The following GRID2 variants were observed in gnomAD, a reference collection of about 807,000 sequenced individuals.
GRID2 encodes the protein glutamate ionotropic receptor delta type subunit 2, also known as glutamate receptor ionotropic, delta-2.
GRID2 carries 33 observed loss-of-function variants against 114.8 expected under a neutral mutation model. The ratio of observed to expected loss-of-function variants is 0.29; its 90% CI spans 0.22 to 0.38. The LOEUF is 0.38. Ranked by LOEUF, GRID2 falls within the 10% of genes least tolerant of loss-of-function variation. The probability of loss-of-function intolerance (pLI) is 1.00; values close to 1 mark genes in which losing one functional copy is unlikely to be tolerated. For synonymous variants in GRID2, 505 were observed against 449.9 expected, an observed-to-expected ratio of 1.12 and a Z score of -1.55; for missense variants, 1,184 against 1,257.7, an observed-to-expected ratio of 0.94 and a Z score of 0.89.
intron 1 of GRID2, among the ~76,000 whole-genome samples, chr4:92,307,795 A>C (rs990191859): frequency 3.9e-5 from 6 of 152,230 alleles, no homozygotes; most frequent in African/African-American, 1.4e-4. Context: ...ATAGTATTTA[A>C]AAATGAATCA....
At chr4:92,996,017 C>T (rs1386541695) in intron 2 of GRID2, among the ~76,000 whole-genome samples, 1 of 151,736 alleles carries the variant, frequency 6.6e-6, no homozygotes, top group African/African-American at 2.4e-5. Flanking sequence ...TGGCCAGGCA[C>T]AGTGGCTCAT....
At chr4:93,204,784 A>G (rs1742510190) in intron 4 of GRID2, among the ~76,000 whole-genome samples, 1 of 152,170 alleles carries the variant, frequency 6.6e-6, no homozygotes, top group Non-Finnish European at 1.5e-5. Flanking sequence ...CTCATTTAGT[A>G]ATTTCTACAG....
chr4:93,553,728 C>A (rs1422134995), intron 13 of GRID2, among the ~76,000 whole-genome samples: 1 of 152,094 alleles, frequency 6.6e-6, no homozygotes, highest in Non-Finnish European at 1.5e-5. Context: ...CTATATAATT[C>A]ACATTAATTT....
At chr4:92,486,398 T>A (rs1435704306) in intron 1 of GRID2, among the ~76,000 whole-genome samples, 1 of 151,860 alleles carries the variant, frequency 6.6e-6, no homozygotes, top group African/African-American at 2.4e-5. Context: ...ATACTCCTTG[T>A]CATATATGTA....
chr4:93,313,271 C>T (rs986413448), intron 8 of GRID2, among the ~76,000 whole-genome samples: 7 of 152,106 alleles, frequency 4.6e-5, no homozygotes, highest in African/African-American at 1.4e-4. Flanking sequence ...AGAGAACTGC[C>T]ACTCTAGAGC....
At chr4:92,485,429 G>T (rs1350569348) in intron 1 of GRID2, among the ~76,000 whole-genome samples, 1 of 148,714 alleles carries the variant, frequency 6.7e-6, no homozygotes, top group African/African-American at 2.5e-5. Context: ...GCCAGTCCTG[G>T]TGACTCACAC....
chr4:92,844,826 T>C (rs1331106134), intron 2 of GRID2, among the ~76,000 whole-genome samples: 3 of 152,084 alleles, frequency 2.0e-5, no homozygotes, highest in Admixed American at 1.3e-4. Flanking sequence ...TTTTGTCACA[T>C]AGCGTAGTAT....
intron 1 of GRID2, among the ~76,000 whole-genome samples, chr4:92,579,821 A>C (rs147620916): frequency 0.013 from 2,018 of 151,154 alleles, 33 homozygotes; most frequent in African/African-American, 0.046. Context: ...TTAAAATACT[A>C]TTTAGAAATT....
Position 92,304,561 on chromosome 4 carries a change from C to T in GRID2, c.-96C>T. ...GAATTTAGAAAAAAAGAAAAAGCTG[C>T]GCTAAACTCCACCGTGACCTCAAAC... On this transcript the variant is annotated 5_prime_UTR_variant, in exon 1 of 16. Coordinates refer to ENST00000282020, the MANE Select transcript of GRID2 (RefSeq NM_001510.4). 2.5e-6 allele frequency: 2 copies of T among 793,450 alleles called. No individual in the cohort carries two copies. The highest frequency in any genetic ancestry group is 2.2e-5 in the Admixed American group (1 of 46,404). 49.2% of individuals were successfully genotyped at this position (793,450 alleles called of 1,614,324 possible).
intron 1 of GRID2, among the ~76,000 whole-genome samples, chr4:92,566,479 C>A (rs1727341314): frequency 6.6e-6 from 1 of 151,942 alleles, no homozygotes; most frequent in Non-Finnish European, 1.5e-5. Flanking sequence ...TGGATCTATT[C>A]ATTCTCCTGT....
chr4:92,326,891 C>T (rs1726624684), intron 1 of GRID2, among the ~76,000 whole-genome samples: 1 of 151,940 alleles, frequency 6.6e-6, no homozygotes, highest in Admixed American at 6.6e-5. Context: ...TGTATCCTTT[C>T]CATGCATCCT....
chr4:92,424,699 A>G (rs1732069450), intron 1 of GRID2, among the ~76,000 whole-genome samples: 2 of 151,288 alleles, frequency 1.3e-5, no homozygotes, highest in Admixed American at 1.3e-4. Context: ...ATTTCTCACT[A>G]TTTCTATAGG....
intron 13 of GRID2, among the ~76,000 whole-genome samples, chr4:93,607,944 T>C (rs559014835): frequency 1.3e-5 from 2 of 152,070 alleles, no homozygotes; most frequent in East Asian, 3.9e-4. Context: ...GTTCCAATTT[T>C]TTCCAAATTT....
At chr4:93,157,526 G>A (rs886771908) in intron 4 of GRID2, among the ~76,000 whole-genome samples, 2 of 151,576 alleles carry the variant, frequency 1.3e-5, no homozygotes, top group African/African-American at 2.4e-5. Flanking sequence ...TCATAGCTTC[G>A]ACATGCATAT....
chr4:93,659,781 A>T (rs1016608716), intron 14 of GRID2, among the ~76,000 whole-genome samples: 7 of 152,158 alleles, frequency 4.6e-5, no homozygotes, highest in African/African-American at 1.7e-4. Context: ...ATTAAGCTTC[A>T]CTGTTAAGAG....
chr4:92,976,398 C>G (rs951257300), intron 2 of GRID2, among the ~76,000 whole-genome samples: 1 of 152,036 alleles, frequency 6.6e-6, no homozygotes, highest in African/African-American at 2.4e-5. Context: ...GATACAGAGA[C>G]AGATACACAT....
At chr4:92,534,494 C>T (rs1487979477) in intron 1 of GRID2, among the ~76,000 whole-genome samples, 2 of 152,176 alleles carry the variant, frequency 1.3e-5, no homozygotes, top group African/African-American at 4.8e-5. Context: ...TTGTGGTAGT[C>T]CTGAGTTTAA....
chr4:93,082,827 T>G (rs1729984968), intron 2 of GRID2, among the ~76,000 whole-genome samples: 1 of 150,134 alleles, frequency 6.7e-6, no homozygotes, highest in Non-Finnish European at 1.5e-5. Flanking sequence ...TCTGCTTAGT[T>G]CGTGTTTAAT....
chr4:92,996,710 A>T (rs1206138652), intron 2 of GRID2, among the ~76,000 whole-genome samples: 1 of 152,182 alleles, frequency 6.6e-6, no homozygotes, highest in Non-Finnish European at 1.5e-5. Context: ...GATATTTTCA[A>T]GGTCTGAAAT....
Sources: allele counts gnomAD v4.1 joint callset (sites outside exome capture counted in the v4.1 genomes callset), GRCh38; gene constraint gnomAD v4.1.1; transcripts MANE v1.5; gene names NCBI Gene and HGNC (gene_info 2026-07-23, HGNC 2026-07-21).